Variants in FCAMR observed in about 807,000 individuals in gnomAD.
The protein encoded by FCAMR is high affinity immunoglobulin alpha and immunoglobulin mu Fc receptor.
Under a neutral mutation model 52.2 loss-of-function variants are expected in FCAMR, and 51 were observed. The ratio of observed to expected loss-of-function variants is 0.98; its 90% CI spans 0.78 to 1.23. The LOEUF (loss-of-function observed/expected upper bound fraction) is 1.23. Among genes scored for constraint, FCAMR ranks in the 50% most tolerant of loss-of-function variants. The pLI is 0.00. For synonymous variants in FCAMR, 282 were observed against 262.0 expected (o/e 1.08, Z -0.74); for missense variants, 719 against 712.6 (o/e 1.01, Z -0.10).
At chr1:206,959,897 TG>T (rs1680432854) in intron 6 of FCAMR, 100 bp from the exon 7 acceptor site, 2 of 993,416 alleles carry the variant, frequency 2.0e-6, no homozygotes, top group Admixed American at 3.6e-5. Flanking sequence ...ATTGGGGAGC[TG>T]AGGCCAAAGC....
chr1:206,969,392 G>T (rs936625182), intron 1 of FCAMR: 4 of 429,160 alleles, frequency 9.3e-6, no homozygotes, highest in Non-Finnish European at 1.9e-5. Context: ...ATGTCTCCAA[G>T]TCACCCTCTC....
intron 2 of FCAMR, 49 bp from the exon 3 acceptor site, chr1:206,967,161 G>A (rs780022708): frequency 1.3e-6 from 2 of 1,589,038 alleles, no homozygotes; most frequent in South Asian, 1.1e-5. Context: ...AGCTGGGTGA[G>A]GGTGGTGGGA....
At chr1:206,964,231 C>T (rs1680618337) in intron 4 of FCAMR, among the ~76,000 whole-genome samples, 1 of 152,146 alleles carries the variant, frequency 6.6e-6, no homozygotes, top group Non-Finnish European at 1.5e-5. Flanking sequence ...GACAGCTTCC[C>T]GCGGGGCTGT....
In FCAMR at chr1:206,960,535, G is replaced by T; in HGVS notation, c.1341C>A (p.Ser447Arg). 1.3e-6 allele frequency: 2 copies of T among 1,551,718 alleles called. No homozygotes were observed. The highest frequency in any genetic ancestry group is 1.7e-6 in the Non-Finnish European group (2 of 1,147,002). The change falls in exon 6 of 8, where the codon AGC (serine) becomes AGA (arginine). Residue 447 changes from serine to arginine, a missense_variant. By Grantham distance (110) the Ser-to-Arg change is moderately radical. Coordinates refer to ENST00000324852, the MANE Select transcript of FCAMR (RefSeq NM_001170631.2). The part of the protein sequence containing the change: ...TSMEAASGEG[S>R]AAGDLDAATG... ...TGGCAGCATCTAGGTCCCCTGCAGC[G>T]CTTCCTTCCCCAGATGCTGCCTCCA...
At position 206,962,429 on chromosome 1, in the gene FCAMR, C is replaced by T. The variant is rs1680547387; in HGVS notation, c.436G>A (p.Gly146Arg). The change falls in exon 5 of 8, where the codon GGG becomes AGG. Residue 146 changes from glycine to arginine, a missense_variant. Transcript: ENST00000324852. Reference sequence around the variant, plus strand: ...GTCTGGCAGATCCATCTTGGGGGCCCCAGACGGCACCAGTACTTCCTCTGG... The same window carrying T: ...GTCTGGCAGATCCATCTTGGGGGCCTCAGACGGCACCAGTACTTCCTCTGG... ...RHQRKYWCRLGPPRWICQTIV... is the reference protein window; with the variant it reads ...RHQRKYWCRLRPPRWICQTIV... 5 of 1,614,054 alleles carry T rather than the reference C, an allele frequency of 3.1e-6. No individual in the cohort carries two copies. Among genetic ancestry groups the T allele is most frequent in the Middle Eastern group, 1.6e-4 (1 of 6,062 alleles).
chr1:206,960,339 G>A, intron 6 of FCAMR, 83 bp downstream of exon 6: 2 of 1,325,640 alleles, frequency 1.5e-6, no homozygotes, highest in Non-Finnish European at 1.0e-6. Context: ...AGAGAAGTGA[G>A]CAGAGGGAGA....
rs1423745758 is a variant in FCAMR, at chr1:206,960,789, T to A, written c.1087A>T (p.Arg363Trp). The A allele has an allele frequency of 1.9e-6, 3 of 1,552,462 alleles. No homozygotes were observed. In the East Asian group the frequency reaches 7.3e-5, roughly 38 times the overall value. Residue 363 changes from arginine (R) to tryptophan (W), a missense_variant, in exon 6 of 8, where the codon AGG (arginine) becomes TGG (tryptophan). Physicochemically the swap from Arg to Trp is moderately radical, Grantham distance 101. Coordinates refer to ENST00000324852, the MANE Select transcript of FCAMR (RefSeq NM_001170631.2). ...DRPREDIEGV[R>W]IALDAAKKVL... ...TTTTTGGCTGCATCAAGAGCTATCCTGACCCCCTCTATGTCCTCCCTTGGC... is the reference window on the plus strand; with the variant it reads ...TTTTTGGCTGCATCAAGAGCTATCCAGACCCCCTCTATGTCCTCCCTTGGC...
At chr1:206,964,609 T>G (rs1267519386) in intron 4 of FCAMR, among the ~76,000 whole-genome samples, 1 of 151,812 alleles carries the variant, frequency 6.6e-6, no homozygotes, top group Non-Finnish European at 1.5e-5. Context: ...GCTGTGCTGC[T>G]CCCGTTTTGC....
intron 1 of FCAMR, chr1:206,969,287 C>T: frequency 2.2e-6 from 1 of 456,412 alleles, no homozygotes; most frequent in South Asian, 1.6e-5. Flanking sequence ...GAAAAGCCGG[C>T]TCCGTGGGGC....
chr1:206,963,941 T>A (rs1318216381), intron 4 of FCAMR, among the ~76,000 whole-genome samples: 3 of 152,194 alleles, frequency 2.0e-5, no homozygotes, highest in African/African-American at 7.2e-5. Context: ...TGCTCTGTGG[T>A]CATAGTCCCC....
intron 7 of FCAMR, among the ~76,000 whole-genome samples, chr1:206,959,154 C>T (rs139491907): frequency 2.3e-3 from 353 of 152,252 alleles, no homozygotes; most frequent in East Asian, 8.1e-3. Flanking sequence ...GCCATTGACA[C>T]GTAAGTACAG....
chr1:206,970,005 G>A lies in FCAMR; in HGVS notation c.39+82C>T, dbSNP rs1166143116. 1.7e-5 allele frequency: 27 copies of A among 1,552,618 alleles called. No homozygotes were observed. The South Asian group carries it at 2.2e-4, about 13-fold the overall frequency. On this transcript the variant is annotated intron_variant, in intron 1 of 7. Coordinates refer to ENST00000324852, the MANE Select transcript of FCAMR (RefSeq NM_001170631.2). ...CCTGCTCTGGGAAGGGCACTGAGGA[G>A]CATGTGTGACAGCTATGGCTGCAGT...
chr1:206,969,682 G>A (rs553391573), intron 1 of FCAMR, among the ~76,000 whole-genome samples: 2 of 152,280 alleles, frequency 1.3e-5, no homozygotes, highest in African/African-American at 4.8e-5. Context: ...AAGAAGGGAA[G>A]GAGTCAGTGT....
chr1:206,969,963 T>A, intron 1 of FCAMR, 124 bp downstream of exon 1: 7 of 1,180,162 alleles, frequency 5.9e-6, no homozygotes, highest in Non-Finnish European at 8.6e-6. Context: ...TTACCTGGCC[T>A]CCTGGGAAGG....
chr1:206,969,880 A>T (rs899983706), intron 1 of FCAMR, among the ~76,000 whole-genome samples: 2 of 152,190 alleles, frequency 1.3e-5, no homozygotes, highest in African/African-American at 4.8e-5. Flanking sequence ...CTAAGGAACC[A>T]TGCACTCTGG....
At chr1:206,967,257 G>T in intron 2 of FCAMR, 145 bp from the exon 3 acceptor site, 1 of 784,664 alleles carries the variant, frequency 1.3e-6, no homozygotes, top group Non-Finnish European at 2.1e-6. Context: ...AGTAAGACAA[G>T]CACTTCCCTC....
chr1:206,965,609 T>C lies in FCAMR; in HGVS notation c.313+106A>G, dbSNP rs1680671507. Reference sequence around the variant, plus strand: ...AATTGTCTATTGCTATGGCTTCCATTAGGAGAGGCTAGGGCTGCCTATAGC... The same window carrying C: ...AATTGTCTATTGCTATGGCTTCCATCAGGAGAGGCTAGGGCTGCCTATAGC... On this transcript the variant is annotated intron_variant, in intron 4 of 7. Transcript: ENST00000324852. 3.8e-6 allele frequency: 5 copies of C among 1,329,762 alleles called. No homozygotes were observed. In the East Asian group the frequency reaches 1.1e-4, roughly 29 times the overall value. 82.4% of individuals were successfully genotyped at this position (1,329,762 alleles called of 1,614,324 possible). A position where few individuals can be genotyped will look rare whatever the true frequency, so the allele number is the denominator to read the frequency against.
At chr1:206,966,936 G>T (rs1272706389) in intron 3 of FCAMR, 116 bp downstream of exon 3, 5 of 913,926 alleles carry the variant, frequency 5.5e-6, no homozygotes, top group African/African-American at 1.7e-5. Flanking sequence ...TGTCATCTGA[G>T]CATGGTTTAT....
chr1:206,959,104 C>A, intron 7 of FCAMR: 1 of 353,278 alleles, frequency 2.8e-6, no homozygotes, highest in Non-Finnish European at 5.7e-6. Context: ...GCATCACAGC[C>A]TTTGTAATCT....
Sources: gnomAD v4.1 joint callset for allele counts (sites outside exome capture counted in the v4.1 genomes callset) on GRCh38, gnomAD v4.1.1 for gene constraint, MANE v1.5 for transcripts, NCBI Gene and HGNC (gene_info 2026-07-23, HGNC 2026-07-21) for gene names.